IL12RB2: variants seen among roughly 807,000 people sequenced by gnomAD.
IL12RB2 encodes the protein interleukin 12 receptor subunit beta 2, also known as interleukin-12 receptor subunit beta-2.
A neutral mutation model predicts 89.4 loss-of-function variants in IL12RB2; 82 were observed. The ratio of observed to expected loss-of-function variants is 0.92; its 90% CI spans 0.77 to 1.10. The LOEUF (loss-of-function observed/expected upper bound fraction) is 1.10, where lower values mean the gene tolerates loss of function less well. IL12RB2 is among the 50% of genes least tolerant of loss of function. IL12RB2 has a pLI of 0.00. For synonymous variants in IL12RB2, 368 were observed against 370.1 expected (o/e 0.99, Z 0.07); for missense variants, 963 against 1,031.9 (o/e 0.93, Z 0.92).
chr1:67,385,869 T>C (rs1665076646), intron 14 of IL12RB2, among the ~76,000 whole-genome samples: 1 of 152,212 alleles, frequency 6.6e-6, no homozygotes, highest in South Asian at 2.1e-4. Context: ...CTGATCTTCA[T>C]GACAACCAGC....
At chr1:67,311,781 T>G (rs937525264) in intron 1 of IL12RB2, among the ~76,000 whole-genome samples, 1 of 152,130 alleles carries the variant, frequency 6.6e-6, no homozygotes, top group Non-Finnish European at 1.5e-5. Context: ...CTACCCTTAG[T>G]TTTTTAATTC....
In IL12RB2 at chr1:67,372,434, A is replaced by T. The variant is rs2101014973; in HGVS notation, c.1460-2A>T. On this transcript the variant is annotated splice_acceptor_variant, in intron 11 of 16. Coordinates refer to ENST00000674203, the MANE Select transcript of IL12RB2 (RefSeq NM_001374259.2). LOFTEE classifies it high-confidence loss of function. ...GTTATGGGAATTCCCTTTTCCTTGC[A>T]GAGAACATAAAATCCTACATCTGTT... 1 of 1,523,474 alleles carries T rather than the reference A, an allele frequency of 6.6e-7. No homozygotes were observed. The highest frequency in any genetic ancestry group is 9.1e-7 in the Non-Finnish European group (1 of 1,097,004). The allele number at this position is 1,523,474 out of a possible 1,614,324, so 94.4% of individuals were successfully genotyped here.
At position 67,389,641 on chromosome 1, in the gene IL12RB2, C is replaced by G. The variant is rs113400923; in HGVS notation, c.1947-388C>G. On this transcript the variant is annotated intron_variant, in intron 15 of 16. Transcript: ENST00000674203. ...TGTTCACATAATTTACCTGTCATTA[C>G]AAACTCTTTGTAAATATTCTAATTA... Among the ~76,000 whole-genome samples, 435 of 152,234 alleles carry G rather than the reference C, an allele frequency of 2.9e-3. 6 individuals are homozygous for G. The highest frequency in any genetic ancestry group is 9.9e-3 in the African/African-American group (410 of 41,520).
At chr1:67,335,746 C>T (rs963792877) in intron 8 of IL12RB2, among the ~76,000 whole-genome samples, 8 of 152,150 alleles carry the variant, frequency 5.3e-5, no homozygotes, top group African/African-American at 1.9e-4. Context: ...ATTCTCCTCC[C>T]TATTAGCCCT....
At chr1:67,385,704 G>A (rs1665059569) in intron 14 of IL12RB2, among the ~76,000 whole-genome samples, 1 of 152,150 alleles carries the variant, frequency 6.6e-6, no homozygotes, top group South Asian at 2.1e-4. Flanking sequence ...TCTTTTCATA[G>A]GAAAGAATAG....
rs147836292 is a variant in IL12RB2, at chr1:67,366,673, C to T, written c.1259-1152C>T. On this transcript the variant is annotated intron_variant, in intron 10 of 16. Coordinates refer to ENST00000674203, the MANE Select transcript of IL12RB2 (RefSeq NM_001374259.2). ...TTTTGTAAAATAATATGTGAATTTG[C>T]TCTATAATCAAGCAATTCTATGCAT... is the stretch of plus-strand genomic sequence containing the variant. Among the ~76,000 whole-genome samples the T allele has an allele frequency of 4.2e-3, 642 of 152,122 alleles. 18 individuals carry two copies. The East Asian group carries it at 0.075, about 18-fold the overall frequency.
At chr1:67,372,384 G>A (rs1206114309) in intron 11 of IL12RB2, 52 bp from the exon 12 acceptor site, 1 of 947,808 alleles carries the variant, frequency 1.1e-6, no homozygotes, top group African/African-American at 1.6e-5. Flanking sequence ...GCTCCCTTTA[G>A]TGACTCACCA....
chr1:67,351,073 G>A lies in IL12RB2; in HGVS notation c.1242G>A (p.Met414Ile), dbSNP rs1660781663. 6.2e-7 allele frequency: 1 copy of A among 1,612,890 alleles called. No homozygotes were observed. The highest frequency in any genetic ancestry group is 1.7e-5 in the Admixed American group (1 of 59,988). Residue 414 changes from methionine to isoleucine, a missense_variant, in exon 10 of 17, where the codon ATG (methionine) becomes ATA (isoleucine). Met to Ile is a conservative substitution (Grantham distance 10). Coordinates refer to ENST00000674203, the MANE Select transcript of IL12RB2 (RefSeq NM_001374259.2). The stretch of plus-strand genomic sequence containing the variant: ...CTCTGCCCACTCGTATTAACATAAT[G>A]AACCTGTGTGAGGCAGGTAAGTTCT... Reference protein sequence around the residue: ...GSSLPTRINIMNLCEAGLLAP... With the variant: ...GSSLPTRINIINLCEAGLLAP...
intron 9 of IL12RB2, 35 bp downstream of exon 9, chr1:67,338,738 A>G: frequency 1.0e-6 from 1 of 984,992 alleles, no homozygotes; most frequent in Non-Finnish European, 1.7e-6. Context: ...ACTCAAGGGA[A>G]TAAAACTGAA....
At chr1:67,321,465 C>A in intron 3 of IL12RB2, 137 bp from the exon 4 acceptor site, 1 of 705,170 alleles carries the variant, frequency 1.4e-6, no homozygotes, top group Non-Finnish European at 2.6e-6. Flanking sequence ...CCATTATAAC[C>A]AGAGACATGT....
intron 14 of IL12RB2, among the ~76,000 whole-genome samples, chr1:67,383,268 C>A (rs746362293): frequency 1.1e-4 from 16 of 152,168 alleles, no homozygotes; most frequent in Non-Finnish European, 2.1e-4. Context: ...ATGAAGATAA[C>A]TGCCCCCATG....
intron 10 of IL12RB2, among the ~76,000 whole-genome samples, chr1:67,366,299 A>G (rs111316034): frequency 0.048 from 7,344 of 151,956 alleles, 226 homozygotes; most frequent in Middle Eastern, 0.072. Flanking sequence ...CAAAAATACA[A>G]AATTAGTTGG....
chr1:67,351,123 G>A, intron 10 of IL12RB2, 34 bp downstream of exon 10: 15 of 1,608,216 alleles, frequency 9.3e-6, no homozygotes, highest in African/African-American at 1.3e-5. Context: ...ATTGCCTGTG[G>A]AAAACTGTGT....
At chr1:67,349,634 T>C (rs1031520903) in intron 9 of IL12RB2, among the ~76,000 whole-genome samples, 6 of 152,108 alleles carry the variant, frequency 3.9e-5, no homozygotes, top group Non-Finnish European at 7.4e-5. Flanking sequence ...GCACTGACTA[T>C]GGTTTAAGAT....
intron 4 of IL12RB2, among the ~76,000 whole-genome samples, chr1:67,326,285 C>T (rs2100642274): frequency 6.6e-6 from 1 of 152,276 alleles, no homozygotes; most frequent in Admixed American, 6.5e-5. Flanking sequence ...ATGGAGCTAG[C>T]ACTGGATGTT....
chr1:67,386,208 C>CAAAAAAA (rs755471388), intron 14 of IL12RB2, among the ~76,000 whole-genome samples: 1 of 54,538 alleles, frequency 1.8e-5, no homozygotes. Flanking sequence ...GACTCCATCT[C>CAAAAAAA]AAAAAAAAAA....
At chr1:67,329,203 C>A (rs750335479) in intron 6 of IL12RB2, among the ~76,000 whole-genome samples, 1 of 152,288 alleles carries the variant, frequency 6.6e-6, no homozygotes, top group Non-Finnish European at 1.5e-5. Context: ...AATTTTCCTA[C>A]GAACATTTCT....
At position 67,396,385 on chromosome 1, in the gene IL12RB2, TGAG is replaced by T; in HGVS notation, c.*303_*305del. The T allele has an allele frequency of 4.0e-6, 2 of 504,222 alleles. No individual in the cohort carries two copies. The highest frequency in any genetic ancestry group is 4.1e-5 in the South Asian group (2 of 49,086). 31.2% of individuals were successfully genotyped at this position (504,222 alleles called of 1,614,324 possible). On this transcript the variant is annotated 3_prime_UTR_variant, in exon 17 of 17. Coordinates refer to ENST00000674203, the MANE Select transcript of IL12RB2 (RefSeq NM_001374259.2). The stretch of plus-strand genomic sequence containing the variant: ...TTGGTATGCTGGCCAGAAAGGGAAA[TGAG>T]GAGGAGAGTAGAAACCACAGCTCTT...
intron 1 of IL12RB2, among the ~76,000 whole-genome samples, chr1:67,313,217 A>G (rs1372530647): frequency 8.4e-6 from 1 of 119,694 alleles, no homozygotes; most frequent in East Asian, 2.0e-4. Context: ...GTGGAATAGC[A>G]TCAGATACGG....
Sources: gnomAD v4.1 joint callset for allele counts (sites outside exome capture counted in the v4.1 genomes callset) on GRCh38, gnomAD v4.1.1 for gene constraint, MANE v1.5 for transcripts, NCBI Gene and HGNC (gene_info 2026-07-23, HGNC 2026-07-21) for gene names.